Variants in ATG7 observed in about 807,000 individuals in gnomAD.
The protein encoded by ATG7 is ubiquitin-like modifier-activating enzyme ATG7.
ATG7 carries 70 observed loss-of-function variants against 82.4 expected under a neutral mutation model. The observed-to-expected ratio is 0.85, with a 90% confidence interval of 0.70 to 1.04. ATG7 has a LOEUF of 1.04. ATG7 is among the 50% of genes least tolerant of loss of function. The probability of loss-of-function intolerance (pLI) is 0.00; values close to 1 mark genes in which losing one functional copy is unlikely to be tolerated. For missense variants in ATG7, 792 were observed against 864.3 expected, an observed-to-expected ratio of 0.92 and a Z score of 1.05; for synonymous variants, 287 against 313.0, an observed-to-expected ratio of 0.92 and a Z score of 0.88.
Position 11,507,146 on chromosome 3 carries a change from G to A in ATG7, c.2080-47665G>A, listed in dbSNP as rs142261383. Among the ~76,000 whole-genome samples the A allele has an allele frequency of 4.5e-4, 69 of 152,226 alleles. No homozygotes were observed. In the East Asian group the frequency reaches 0.012, roughly 26 times the overall value. On this transcript the variant is annotated intron_variant, in intron 20 of 20. Coordinates refer to ENST00000693202, the MANE Select transcript of ATG7 (RefSeq NM_001349232.2). Reference sequence around the variant, plus strand: ...AAAATACAAAAATTAGCCAGGTGAGGTGGCACGCACCTGTAGTGCCAGCTA... The same window carrying A: ...AAAATACAAAAATTAGCCAGGTGAGATGGCACGCACCTGTAGTGCCAGCTA...
At chr3:11,517,428 AATAGG>A (rs1428163739) in intron 20 of ATG7, among the ~76,000 whole-genome samples, 2 of 152,172 alleles carry the variant, frequency 1.3e-5, no homozygotes. Context: ...GAAGAGGATG[AATAGG>A]TAATGCACAG....
At chr3:11,491,259 T>C (rs993883456) in intron 20 of ATG7, among the ~76,000 whole-genome samples, 2 of 152,184 alleles carry the variant, frequency 1.3e-5, no homozygotes, top group African/African-American at 2.4e-5. Flanking sequence ...TCCACTTGAT[T>C]GCATTGGCTC....
chr3:11,378,159 G>T lies in ATG7; in HGVS notation c.1876-1813G>T, dbSNP rs577011737. Among the ~76,000 whole-genome samples, 20 of 149,422 alleles carry T rather than the reference G, an allele frequency of 1.3e-4. No individual in the cohort carries two copies. The South Asian group carries it at 4.3e-3, about 32-fold the overall frequency. On this transcript the variant is annotated intron_variant, in intron 18 of 20. Coordinates refer to ENST00000693202, the MANE Select transcript of ATG7 (RefSeq NM_001349232.2). ...CTCCCGAGGAGCTGGGATTACATGG[G>T]TGCACCACCACACCCGGCTAATTAT... is the stretch of plus-strand genomic sequence containing the variant.
intron 20 of ATG7, among the ~76,000 whole-genome samples, chr3:11,484,539 T>G (rs1416330168): frequency 6.6e-6 from 1 of 152,168 alleles, no homozygotes; most frequent in Non-Finnish European, 1.5e-5. Flanking sequence ...CCAGGATATT[T>G]TCTTTTTCTT....
At chr3:11,515,384 A>T (rs962653529) in intron 20 of ATG7, among the ~76,000 whole-genome samples, 71 of 150,826 alleles carry the variant, frequency 4.7e-4, no homozygotes, top group African/African-American at 1.7e-3. Flanking sequence ...GCTCACTGCA[A>T]CCTCCACCTC....
At position 11,353,546 on chromosome 3, in the gene ATG7, C is replaced by T. The variant is rs184191900; in HGVS notation, c.1285-4872C>T. On this transcript the variant is annotated intron_variant, in intron 14 of 20. Coordinates refer to ENST00000693202, the MANE Select transcript of ATG7 (RefSeq NM_001349232.2). The stretch of plus-strand genomic sequence containing the variant: ...CCAAATCTCATGTTGAATTGTGATC[C>T]TCACTGTTGGAGGTGGGGCCTGGTG... Among the ~76,000 whole-genome samples, 5 of 152,236 alleles carry T rather than the reference C, an allele frequency of 3.3e-5. No individual in the cohort carries two copies. In the East Asian group the frequency reaches 7.7e-4, roughly 23 times the overall value.
chr3:11,372,971 T>C (rs896382141), intron 18 of ATG7, among the ~76,000 whole-genome samples: 1 of 151,366 alleles, frequency 6.6e-6, no homozygotes, highest in Non-Finnish European at 1.5e-5. Flanking sequence ...TTTTAAAAAA[T>C]AGGAAAATGG....
chr3:11,551,941 GT>G (rs1490751229), intron 20 of ATG7, among the ~76,000 whole-genome samples: 1 of 151,808 alleles, frequency 6.6e-6, no homozygotes, highest in African/African-American at 2.4e-5. Context: ...TAGAGACGGG[GT>G]TTCACCATGT....
chr3:11,400,362 G>A (rs1340411917), intron 19 of ATG7, among the ~76,000 whole-genome samples: 1 of 147,958 alleles, frequency 6.8e-6, no homozygotes, highest in Non-Finnish European at 1.5e-5. Context: ...AATAGGGGTA[G>A]GCCAATAAAT....
intron 14 of ATG7, among the ~76,000 whole-genome samples, chr3:11,355,138 G>A (rs1428094122): frequency 3.9e-5 from 6 of 152,162 alleles, no homozygotes; most frequent in African/African-American, 9.7e-5. Context: ...CACGACTCTC[G>A]TCAGACCAGG....
At chr3:11,446,355 C>T (rs2152977002) in intron 20 of ATG7, among the ~76,000 whole-genome samples, 1 of 152,062 alleles carries the variant, frequency 6.6e-6, no homozygotes, top group East Asian at 1.9e-4. Context: ...CTTGTCTGCA[C>T]CCTGAATTAA....
chr3:11,559,932 T>C (rs553903744), downstream of ATG7, among the ~76,000 whole-genome samples: 1 of 152,172 alleles, frequency 6.6e-6, no homozygotes, highest in Admixed American at 6.5e-5. Flanking sequence ...CCAGCTCGAG[T>C]TGGCCTCAGT....
At chr3:11,471,531 A>G (rs917637850) in intron 20 of ATG7, among the ~76,000 whole-genome samples, 3 of 152,120 alleles carry the variant, frequency 2.0e-5, no homozygotes, top group Non-Finnish European at 4.4e-5. Context: ...AAAATAAGAA[A>G]CTTTAAATGA....
chr3:11,511,486 T>A (rs990097142), intron 20 of ATG7, among the ~76,000 whole-genome samples: 4 of 152,166 alleles, frequency 2.6e-5, no homozygotes, highest in African/African-American at 9.7e-5. Context: ...GAGCTAGATA[T>A]AAAGACTCTC....
chr3:11,535,275 A>G lies in ATG7; in HGVS notation c.2080-19536A>G, dbSNP rs559087282. ...TTCATCAGACACCCTGCCTGGTGTC[A>G]TCTGAGGTGTCCTTTACCTGCCTGG... is the stretch of plus-strand genomic sequence containing the variant. On this transcript the variant is annotated intron_variant, in intron 20 of 20. Transcript: ENST00000693202. 2.4e-3 allele frequency among the ~76,000 whole-genome samples: 373 copies of G among 152,304 alleles called. 1 individual carries two copies. Among genetic ancestry groups the G allele is most frequent in the South Asian group, 0.019 (93 of 4,826 alleles).
intron 9 of ATG7, among the ~76,000 whole-genome samples, chr3:11,317,041 C>T (rs941512042): frequency 5.3e-5 from 8 of 152,086 alleles, no homozygotes; most frequent in Admixed American, 2.6e-4. Context: ...GGGGTTTCAC[C>T]GTGTTAGCCA....
chr3:11,296,503 C>G (rs1425333492), intron 3 of ATG7, among the ~76,000 whole-genome samples: 1 of 152,170 alleles, frequency 6.6e-6, no homozygotes, highest in African/African-American at 2.4e-5. Flanking sequence ...AATTTTTGGG[C>G]TTTTAGCTGA....
At chr3:11,506,601 G>A (rs2091744905) in intron 20 of ATG7, among the ~76,000 whole-genome samples, 2 of 150,498 alleles carry the variant, frequency 1.3e-5, no homozygotes, top group South Asian at 4.2e-4. Context: ...AATTAGCTGG[G>A]AGTGGTGGCA....
At chr3:11,519,769 T>G (rs1322328793) in intron 20 of ATG7, among the ~76,000 whole-genome samples, 7 of 151,824 alleles carry the variant, frequency 4.6e-5, no homozygotes, top group Admixed American at 2.0e-4. Flanking sequence ...CACAGTGTTA[T>G]CCAGGATAAT....
Sources: allele counts gnomAD v4.1 joint callset (sites outside exome capture counted in the v4.1 genomes callset), GRCh38; gene constraint gnomAD v4.1.1; transcripts MANE v1.5; gene names NCBI Gene and HGNC (gene_info 2026-07-23, HGNC 2026-07-21).